PLEKHH1: variants seen among roughly 807,000 people sequenced by gnomAD.
PLEKHH1 encodes pleckstrin homology domain-containing family H member 1.
A neutral mutation model predicts 160.0 loss-of-function variants in PLEKHH1; 104 were observed. That is an observed-to-expected ratio of 0.65 (90% CI 0.55 to 0.76). PLEKHH1 has a LOEUF of 0.76. Among genes scored for constraint, PLEKHH1 ranks in the 30% least tolerant of loss-of-function variants. The pLI, the probability that PLEKHH1 is intolerant of heterozygous loss-of-function variation, is 0.00. For missense variants in PLEKHH1, 1,427 were observed against 1,724.1 expected (o/e 0.83, Z 3.05); for synonymous variants, 619 against 678.4 (o/e 0.91, Z 1.36).
At chr14:67,542,338 A>G (rs1472282899) in intron 2 of PLEKHH1, among the ~76,000 whole-genome samples, 1 of 152,166 alleles carries the variant, frequency 6.6e-6, no homozygotes, top group Non-Finnish European at 1.5e-5. Context: ...GGGAGAAAAC[A>G]GAAATCTCTA....
chr14:67,576,095 A>G lies in PLEKHH1; in HGVS notation c.2352+90A>G. The G allele has an allele frequency of 9.4e-7, 1 of 1,060,806 alleles. No individual in the cohort carries two copies. The allele number at this position is 1,060,806 out of a possible 1,614,324, so 65.7% of individuals were successfully genotyped here. A position where few individuals can be genotyped will look rare whatever the true frequency, so the allele number is the denominator to read the frequency against. On this transcript the variant is annotated intron_variant, in intron 16 of 28. Coordinates refer to ENST00000329153, the MANE Select transcript of PLEKHH1 (RefSeq NM_020715.3). This position sits in a 1 kb window ranked among gnomAD's most constrained non-coding sequence, Gnocchi z 4.0. ...CTTTCTCCTGAGCTTCCCAAAATTC[A>G]AATTTATTTCCTTTTGGACACTTTG...
chr14:67,549,196 T>C (rs2034296128), intron 2 of PLEKHH1, among the ~76,000 whole-genome samples: 2 of 152,134 alleles, frequency 1.3e-5, no homozygotes, highest in South Asian at 4.1e-4. Context: ...TCTGATTTGT[T>C]TTGGGAGAAG....
intron 9 of PLEKHH1, chr14:67,570,913 G>T (rs1045351242): frequency 6.6e-6 from 1 of 152,064 alleles, no homozygotes; most frequent in African/African-American, 2.4e-5. Flanking sequence ...TAGTAGAGAC[G>T]GGGTTTCACC....
rs1174438461 is a variant in PLEKHH1 at position 67,562,547 on chromosome 14, C to T, written c.916C>T (p.Pro306Ser). The part of the protein sequence containing the change: ...GTKTSAREGG[P>S]GSSLTLPKVR... ...AAAGACCTCTGCCAGGGAAGGTGGT[C>T]CTGGCAGCAGTCTGACCCTACCAAA... is the stretch of plus-strand genomic sequence containing the variant. The change falls in exon 7 of 29, where the codon CCT becomes TCT. Residue 306 changes from proline (P) to serine (S), a missense_variant. Physicochemically the swap from Pro to Ser is moderately conservative, Grantham distance 74. This residue lies in a region of PLEKHH1 where 831 missense variants were observed against 929.2 expected (regional missense o/e 0.89). Transcript: ENST00000329153. 1.2e-6 allele frequency: 2 copies of T among 1,608,906 alleles called. No individual in the cohort carries two copies. Among genetic ancestry groups the T allele is most frequent in the Non-Finnish European group, 1.7e-6 (2 of 1,175,872 alleles).
At chr14:67,560,103 C>T (rs1566737615) in intron 5 of PLEKHH1, among the ~76,000 whole-genome samples, 1 of 152,066 alleles carries the variant, frequency 6.6e-6, no homozygotes, top group Admixed American at 6.5e-5. Flanking sequence ...CTCGGCTTAC[C>T]GCAACCTCCG....
chr14:67,577,902 C>G (rs1244020895), intron 18 of PLEKHH1, 121 bp from the exon 19 acceptor site: 1 of 837,342 alleles, frequency 1.2e-6, no homozygotes, highest in Non-Finnish European at 1.9e-6. Flanking sequence ...AGTGCTCCCT[C>G]TTAGAAAGGG....
At position 67,569,200 on chromosome 14, in the gene PLEKHH1, T is replaced by C; in HGVS notation, c.1326T>C (p.Ser442=). 6.2e-7 allele frequency: 1 copy of C among 1,611,392 alleles called. No individual in the cohort carries two copies. Among genetic ancestry groups the C allele is most frequent in the Non-Finnish European group, 8.5e-7 (1 of 1,177,640 alleles). The part of the protein sequence containing the change: ...GMRLSDMSPR[S]NTACCASSPP... ...GGCTCTCAGATATGTCTCCCAGAAG[T>C]AATACTGCATGCTGCGGTGAGTTCC... Residue 442 remains serine, a synonymous_variant, in exon 8 of 29, where the codon AGT becomes AGC. Transcript: ENST00000329153.
At chr14:67,569,108 C>T (rs1191001947) in intron 7 of PLEKHH1, 30 bp from the exon 8 acceptor site, 2 of 1,508,992 alleles carry the variant, frequency 1.3e-6, no homozygotes, top group South Asian at 1.1e-5. Flanking sequence ...TCATGCCGGG[C>T]CCTGAGCTTC....
Position 67,562,377 on chromosome 14 carries a change from C to T in PLEKHH1, c.746C>T (p.Thr249Ile). The T allele has an allele frequency of 6.2e-7, 1 of 1,613,488 alleles. No individual in the cohort carries two copies. The highest frequency in any genetic ancestry group is 8.5e-7 in the Non-Finnish European group (1 of 1,179,492). Residue 249 changes from threonine to isoleucine, a missense_variant, in exon 7 of 29, where the codon ACA becomes ATA. Transcript: ENST00000329153. The stretch of plus-strand genomic sequence containing the variant: ...TCCAGCACGGTCCATTCTGGGGAAA[C>T]AGTAGAGGCCAAGCCCCTTCAACCT... ...SSSSTVHSGE[T>I]VEAKPLQPHL...
chr14:67,571,979 GC>G, intron 10 of PLEKHH1, 77 bp downstream of exon 10: 2 of 1,528,826 alleles, frequency 1.3e-6, no homozygotes. Context: ...TTGAACATGG[GC>G]GTCCCCACTT....
chr14:67,536,926 G>T (rs2319842), intron 1 of PLEKHH1, among the ~76,000 whole-genome samples: 1 of 151,154 alleles, frequency 6.6e-6, no homozygotes, highest in Non-Finnish European at 1.5e-5. Flanking sequence ...TGTAATCCCC[G>T]CTACTCAGGA....
intron 7 of PLEKHH1, among the ~76,000 whole-genome samples, chr14:67,568,007 G>A (rs2035188051): frequency 6.6e-6 from 1 of 152,216 alleles, no homozygotes; most frequent in African/African-American, 2.4e-5. Context: ...GCCCCCTCAG[G>A]ACGGGCATTC....
Position 67,573,933 on chromosome 14 carries a change from G to C in PLEKHH1, c.1926+46G>C. On this transcript the variant is annotated intron_variant, in intron 13 of 28. Transcript: ENST00000329153. This position sits in a 1 kb window ranked among gnomAD's most constrained non-coding sequence, Gnocchi z 4.8. ...TAGTATTTTAAACAGAAGAGGTGCT[G>C]GGTTTGGATATGGCCGTGAGTGAGA... 3 of 1,401,544 alleles carry C rather than the reference G, an allele frequency of 2.1e-6. No homozygotes were observed. The highest frequency in any genetic ancestry group is 3.0e-6 in the Non-Finnish European group (3 of 985,774). 86.8% of individuals were successfully genotyped at this position (1,401,544 alleles called of 1,614,324 possible).
At position 67,584,039 on chromosome 14, in the gene PLEKHH1, G is replaced by A. The variant is rs184138771; in HGVS notation, c.3614G>A (p.Gly1205Glu). Residue 1205 changes from glycine to glutamate, a missense_variant, in exon 26 of 29, where the codon GGA (glycine) becomes GAA (glutamate). Physicochemically the swap from Gly to Glu is moderately conservative, Grantham distance 98. Transcript: ENST00000329153. ...MLTTKWATLQ[G>E]CSPPECIRIY... Reference sequence around the variant, plus strand: ...ACCACAAAATGGGCAACATTGCAAGGATGCTCCCCTCCTGAGTGCATCCGC... The same window carrying A: ...ACCACAAAATGGGCAACATTGCAAGAATGCTCCCCTCCTGAGTGCATCCGC... The A allele has an allele frequency of 2.0e-5, 33 of 1,613,994 alleles. No homozygotes were observed. In the African/African-American group the frequency reaches 4.1e-4, roughly 20 times the overall value.
rs1208798803 is a variant in PLEKHH1 at position 67,575,998 on chromosome 14, A to C, written c.2345A>C (p.His782Pro). The C allele has an allele frequency of 1.9e-6, 3 of 1,610,820 alleles. No individual in the cohort carries two copies. The highest frequency in any genetic ancestry group is 2.5e-6 in the Non-Finnish European group (3 of 1,177,602). Residue 782 changes from histidine to proline, a missense_variant, in exon 16 of 29, where the codon CAT becomes CCT. By Grantham distance (77) the His-to-Pro change is moderately conservative. Around this residue, in one of 6 missense-constraint regions of PLEKHH1, gnomAD observed 436 missense variants for 607.5 expected, o/e 0.72. Transcript: ENST00000329153. Reference protein sequence around the residue: ...SPTYLLIGTKHEKDTWLYHLT... With the variant: ...SPTYLLIGTKPEKDTWLYHLT... ...ACCTACCTCCTCATTGGCACCAAGC[A>C]TGAAAAGGTAAGGAAGAGGGCTGGG...
chr14:67,586,195 C>G, intron 28 of PLEKHH1, 98 bp downstream of exon 28: 1 of 1,373,364 alleles, frequency 7.3e-7, no homozygotes. Context: ...TCTGCAAGGG[C>G]CCTGCCCAGA....
Position 67,579,157 on chromosome 14 carries a change from C to T in PLEKHH1, c.2873C>T (p.Thr958Ile). The change falls in exon 21 of 29, where the codon ACC (threonine) becomes ATC (isoleucine). Residue 958 changes from threonine (T) to isoleucine (I), a missense_variant. By Grantham distance (89) the Thr-to-Ile change is moderately conservative. Around this residue, in one of 6 missense-constraint regions of PLEKHH1, gnomAD observed 436 missense variants for 607.5 expected, o/e 0.72. Coordinates refer to ENST00000329153, the MANE Select transcript of PLEKHH1 (RefSeq NM_020715.3). ...AGAAGTGAAACTGGCCAGTATGCCA[C>T]CTACTGCCAGCGGGCAGTGGAGCGG... ...DPRSETGQYA[T>I]YCQRAVERTL... 1.2e-6 allele frequency: 2 copies of T among 1,606,822 alleles called. No individual in the cohort carries two copies. The highest frequency in any genetic ancestry group is 1.7e-6 in the Non-Finnish European group (2 of 1,177,472).
At position 67,562,451 on chromosome 14, in the gene PLEKHH1, A is replaced by G. The variant is rs772134967; in HGVS notation, c.820A>G (p.Thr274Ala). ...CCACCAGCCATGCATGAAGCTTCTT[A>G]CCTTCAGATGTAGTTCAGCTTCCTG... ...PPHQPCMKLL[T>A]FRCSSASWGE... Residue 274 changes from threonine to alanine, a missense_variant, in exon 7 of 29, where the codon ACC becomes GCC. Thr to Ala is a moderately conservative substitution (Grantham distance 58). Around this residue, in one of 6 missense-constraint regions of PLEKHH1, gnomAD observed 831 missense variants for 929.2 expected, o/e 0.89. Coordinates refer to ENST00000329153, the MANE Select transcript of PLEKHH1 (RefSeq NM_020715.3). The G allele has an allele frequency of 1.2e-6, 2 of 1,613,824 alleles. No individual in the cohort carries two copies. The highest frequency in any genetic ancestry group is 8.5e-7 in the Non-Finnish European group (1 of 1,179,752).
chr14:67,559,542 C>T (rs1566736903), intron 4 of PLEKHH1, 66 bp from the exon 5 acceptor site: 12 of 1,163,876 alleles, frequency 1.0e-5, no homozygotes, highest in Non-Finnish European at 1.4e-5. Context: ...TTGGGGTTTC[C>T]CACCTCCAGT....
Sources: gnomAD v4.1 joint callset for allele counts (sites outside exome capture counted in the v4.1 genomes callset) on GRCh38, gnomAD v4.1.1 for gene constraint, gnomAD v4.1.1 regional missense constraint, Gnocchi (gnomAD v3.1) non-coding constraint, MANE v1.5 for transcripts, NCBI Gene and HGNC (gene_info 2026-07-23, HGNC 2026-07-21) for gene names.